MDGA2: variants seen among roughly 807,000 people sequenced by gnomAD.
MDGA2 encodes MAM domain containing glycosylphosphatidylinositol anchor 2.
Under a neutral mutation model 117.8 loss-of-function variants are expected in MDGA2, and 40 were observed. The ratio of observed to expected loss-of-function variants is 0.34; its 90% CI spans 0.26 to 0.44. The LOEUF (loss-of-function observed/expected upper bound fraction) is 0.44. Among genes scored for constraint, MDGA2 ranks in the 20% least tolerant of loss-of-function variants. The probability of loss-of-function intolerance (pLI) is 1.00; values close to 1 mark genes in which losing one functional copy is unlikely to be tolerated. For missense variants in MDGA2, 1,123 were observed against 1,250.6 expected (o/e 0.90, Z 1.54); for synonymous variants, 452 against 439.0 (o/e 1.03, Z -0.37).
chr14:46,908,549 A>G (rs1359873410), intron 10 of MDGA2, among the ~76,000 whole-genome samples: 1 of 152,160 alleles, frequency 6.6e-6, no homozygotes, highest in Non-Finnish European at 1.5e-5. Flanking sequence ...ATAAGTTCTT[A>G]TTCGTCAAGA....
intron 2 of MDGA2, among the ~76,000 whole-genome samples, chr14:47,247,634 TA>T (rs869278789): frequency 8.3e-5 from 10 of 120,614 alleles, no homozygotes; most frequent in Admixed American, 1.6e-4. Flanking sequence ...AGTACATATT[TA>T]TTATTATTAT....
chr14:47,088,232 A>G (rs1278516331), intron 6 of MDGA2, among the ~76,000 whole-genome samples: 1 of 151,214 alleles, frequency 6.6e-6, no homozygotes, highest in Non-Finnish European at 1.5e-5. Flanking sequence ...TAGATTTTAT[A>G]TGGCCTTGAC....
At chr14:47,640,942 C>T (rs1418999438) in intron 1 of MDGA2, among the ~76,000 whole-genome samples, 1 of 151,996 alleles carries the variant, frequency 6.6e-6, no homozygotes, top group Non-Finnish European at 1.5e-5. Context: ...ATGACTTGCA[C>T]CAAGAAAGTA....
At chr14:47,142,904 C>T (rs1047911475) in intron 4 of MDGA2, among the ~76,000 whole-genome samples, 1 of 152,046 alleles carries the variant, frequency 6.6e-6, no homozygotes, top group Non-Finnish European at 1.5e-5. Context: ...CTGTTCTATA[C>T]CTTTTAAAAA....
chr14:47,498,982 T>G (rs1894340965), intron 1 of MDGA2, among the ~76,000 whole-genome samples: 1 of 151,978 alleles, frequency 6.6e-6, no homozygotes, highest in Admixed American at 6.6e-5. Flanking sequence ...TCACTCAATA[T>G]TTTAATACTT....
chr14:47,619,865 T>A (rs964626466), intron 1 of MDGA2, among the ~76,000 whole-genome samples: 1 of 152,172 alleles, frequency 6.6e-6, no homozygotes, highest in Admixed American at 6.5e-5. Flanking sequence ...TACTTAGATA[T>A]CCAGGGCTGC....
At chr14:46,906,010 C>A (rs1206386727) in intron 10 of MDGA2, among the ~76,000 whole-genome samples, 2 of 151,794 alleles carry the variant, frequency 1.3e-5, no homozygotes, top group African/African-American at 4.8e-5. Context: ...TCAAAACTTA[C>A]AATGGCATGT....
chr14:47,221,379 T>C lies in MDGA2; in HGVS notation c.421-3184A>G, dbSNP rs535810029. Among the ~76,000 whole-genome samples the C allele has an allele frequency of 2.4e-4, 36 of 152,252 alleles. No individual in the cohort carries two copies. In the South Asian group the frequency reaches 7.3e-3, roughly 31 times the overall value. ...AAGTATCACAAAAAAATCAGTTTCATTAATGGAAGGAAAAATGAGATAAAG... is the reference window on the plus strand; with the variant it reads ...AAGTATCACAAAAAAATCAGTTTCACTAATGGAAGGAAAAATGAGATAAAG... On this transcript the variant is annotated intron_variant, in intron 2 of 16. Coordinates refer to ENST00000399232, the MANE Select transcript of MDGA2 (RefSeq NM_001113498.3).
chr14:47,051,060 C>T (rs187105101), intron 7 of MDGA2, among the ~76,000 whole-genome samples: 38 of 152,046 alleles, frequency 2.5e-4, no homozygotes, highest in Non-Finnish European at 4.0e-4. Context: ...AGGGATATGA[C>T]TGAATATTTG....
chr14:47,666,794 C>T (rs965748404), intron 1 of MDGA2, among the ~76,000 whole-genome samples: 8 of 152,124 alleles, frequency 5.3e-5, no homozygotes, highest in African/African-American at 1.7e-4. Context: ...TACACATTGC[C>T]TTTATGAGCT....
rs1392512578 is a variant in MDGA2 at position 46,911,770 on chromosome 14, CCAAA to C, written c.2238+8238_2238+8241del. ...CATCACGAAACTTCTAAATAAAGCC[CCAAA>C]CACTTATAATATTAAACATAAAATA... On this transcript the variant is annotated intron_variant, in intron 10 of 16. Transcript: ENST00000399232. Among the ~76,000 whole-genome samples the C allele has an allele frequency of 3.9e-5, 6 of 152,106 alleles. No individual in the cohort carries two copies. The East Asian group carries it at 7.7e-4, about 20-fold the overall frequency.
intron 8 of MDGA2, among the ~76,000 whole-genome samples, chr14:46,986,625 A>C (rs1180887052): frequency 1.1e-4 from 17 of 152,116 alleles, no homozygotes; most frequent in Non-Finnish European, 1.5e-5. Flanking sequence ...CAAAAGATAA[A>C]TGTCTTAAGG....
At chr14:47,037,209 T>C (rs1888887101) in intron 7 of MDGA2, among the ~76,000 whole-genome samples, 1 of 152,194 alleles carries the variant, frequency 6.6e-6, no homozygotes, top group Admixed American at 6.5e-5. Flanking sequence ...AACCTCAGCA[T>C]TTAACATTTA....
At chr14:47,593,162 A>T (rs1413868444) in intron 1 of MDGA2, among the ~76,000 whole-genome samples, 1 of 152,238 alleles carries the variant, frequency 6.6e-6, no homozygotes, top group African/African-American at 2.4e-5. Context: ...TGAGAAATGC[A>T]AATCAGAACC....
chr14:47,207,242 G>A (rs890018955), intron 3 of MDGA2, among the ~76,000 whole-genome samples: 5 of 151,876 alleles, frequency 3.3e-5, no homozygotes, highest in Middle Eastern at 3.2e-3. Flanking sequence ...GGGAGGTGAG[G>A]TCGAAGGATG....
chr14:46,860,975 C>G (rs936436344), intron 14 of MDGA2, among the ~76,000 whole-genome samples: 1 of 151,814 alleles, frequency 6.6e-6, no homozygotes, highest in South Asian at 2.1e-4. Context: ...TCATTAGAAC[C>G]TCATGTTTTT....
intron 1 of MDGA2, among the ~76,000 whole-genome samples, chr14:47,626,030 C>G (rs1335946949): frequency 6.6e-6 from 1 of 152,136 alleles, no homozygotes; most frequent in Non-Finnish European, 1.5e-5. Context: ...CTTTGCTTCC[C>G]ATCAATGGTA....
At chr14:47,556,362 C>T (rs1895683109) in intron 1 of MDGA2, among the ~76,000 whole-genome samples, 1 of 152,196 alleles carries the variant, frequency 6.6e-6, no homozygotes, top group Non-Finnish European at 1.5e-5. Context: ...AAATCCTGCC[C>T]AATACATTCC....
chr14:47,580,547 G>A (rs1008564084), intron 1 of MDGA2, among the ~76,000 whole-genome samples: 2 of 151,892 alleles, frequency 1.3e-5, no homozygotes, highest in African/African-American at 4.8e-5. Context: ...ACTATTTTAA[G>A]CTCTATCAAC....
Sources: gnomAD v4.1 joint callset for allele counts (sites outside exome capture counted in the v4.1 genomes callset) on GRCh38, gnomAD v4.1.1 for gene constraint, MANE v1.5 for transcripts, NCBI Gene and HGNC (gene_info 2026-07-23, HGNC 2026-07-21) for gene names.